Variants in RASSF8 observed in about 807,000 individuals in gnomAD.
RASSF8 encodes the protein Ras association domain family member 8.
A neutral mutation model predicts 48.5 loss-of-function variants in RASSF8; 22 were observed. That is an observed-to-expected ratio of 0.45 (90% CI 0.32 to 0.65). The LOEUF (loss-of-function observed/expected upper bound fraction) is 0.65, where lower values mean the gene tolerates loss of function less well. Ranked by LOEUF, RASSF8 falls within the 30% of genes least tolerant of loss-of-function variation. The pLI, the probability that RASSF8 is intolerant of heterozygous loss-of-function variation, is 0.03. For synonymous variants in RASSF8, 127 were observed against 171.5 expected, an observed-to-expected ratio of 0.74 and a Z score of 2.03; for missense variants, 418 against 489.2, an observed-to-expected ratio of 0.85 and a Z score of 1.37.
intron 4 of RASSF8, among the ~76,000 whole-genome samples, 156 bp from the exon 5 acceptor site, chr12:26,067,413 G>A (rs562153031): frequency 6.6e-6 from 1 of 152,260 alleles, no homozygotes; most frequent in Admixed American, 6.5e-5. Context: ...GACCTCTTTA[G>A]CCCATTGTGT....
intron 2 of RASSF8, among the ~76,000 whole-genome samples, chr12:26,022,786 G>A (rs1942817867): frequency 6.6e-6 from 1 of 151,980 alleles, no homozygotes; most frequent in Admixed American, 6.6e-5. Context: ...TTGTTGCCCA[G>A]GTTGGAGTGC....
chr12:25,988,602 T>C (rs1941943259), intron 1 of RASSF8, among the ~76,000 whole-genome samples: 1 of 152,202 alleles, frequency 6.6e-6, no homozygotes. Flanking sequence ...CTCTCCCTCA[T>C]GACTAAACAA....
rs528946844 is a variant in RASSF8, at chr12:26,010,691, G to A, written c.-109+15561G>A. 7.2e-5 allele frequency among the ~76,000 whole-genome samples: 11 copies of A among 152,304 alleles called. No individual in the cohort carries two copies. The South Asian group carries it at 2.3e-3, about 32-fold the overall frequency. The stretch of plus-strand genomic sequence containing the variant: ...TTGACTTCAGTCACTTTAAGGAATA[G>A]GAGGAGGATGTGGTGAGGAGGGAAA... On this transcript the variant is annotated intron_variant, in intron 2 of 5. Coordinates refer to ENST00000689635, the MANE Select transcript of RASSF8 (RefSeq NM_001394098.1).
At chr12:26,058,415 T>A (rs2137260608) in intron 3 of RASSF8, among the ~76,000 whole-genome samples, 1 of 152,322 alleles carries the variant, frequency 6.6e-6, no homozygotes, top group East Asian at 1.9e-4. Context: ...GAGCATGGAC[T>A]GATGACCAGA....
intron 1 of RASSF8, among the ~76,000 whole-genome samples, chr12:25,968,626 G>A (rs949441891): frequency 9.8e-5 from 15 of 152,306 alleles, no homozygotes; most frequent in Admixed American, 5.9e-4. Flanking sequence ...TTACAGGCAT[G>A]AGCCATCGCA....
chr12:26,075,170 TATTCTA>T (rs148075658), downstream of RASSF8, among the ~76,000 whole-genome samples: 969 of 152,270 alleles, frequency 6.4e-3, 14 homozygotes, highest in African/African-American at 0.022. Context: ...AAGTTATAGA[TATTCTA>T]AGTAGACAAT....
At chr12:25,979,492 T>TA (rs200095674) in intron 1 of RASSF8, among the ~76,000 whole-genome samples, 18 of 149,372 alleles carry the variant, frequency 1.2e-4, no homozygotes, top group South Asian at 4.3e-4. Context: ...ATTGGAGACT[T>TA]AAAAAAAAAA....
At chr12:26,000,274 A>C (rs1942224919) in intron 2 of RASSF8, among the ~76,000 whole-genome samples, 1 of 152,208 alleles carries the variant, frequency 6.6e-6, no homozygotes, top group Non-Finnish European at 1.5e-5. Context: ...AAAATGTAGT[A>C]ATACATATAC....
chr12:25,999,890 C>A (rs781221718), intron 2 of RASSF8, among the ~76,000 whole-genome samples: 4 of 152,108 alleles, frequency 2.6e-5, no homozygotes, highest in Non-Finnish European at 4.4e-5. Flanking sequence ...GTAAGAAATG[C>A]AATTGGCCTG....
chr12:26,067,515 T>TGCACTGTCC (rs1943902060), intron 4 of RASSF8, 54 bp from the exon 5 acceptor site: 1 of 1,506,926 alleles, frequency 6.6e-7, no homozygotes, highest in Admixed American at 2.0e-5. Flanking sequence ...AAAGATGTCT[T>TGCACTGTCC]GCACTGTCCA....
In RASSF8 at chr12:26,044,717, C is replaced by T. The variant is rs538057288; in HGVS notation, c.-108-10519C>T. ...TACAATAAATATCAGGTATTTTGCC[C>T]TGGAATTTCACAATGCACATCTTAA... On this transcript the variant is annotated intron_variant, in intron 2 of 5. Coordinates refer to ENST00000689635, the MANE Select transcript of RASSF8 (RefSeq NM_001394098.1). Among the ~76,000 whole-genome samples, 104 of 152,232 alleles carry T rather than the reference C, an allele frequency of 6.8e-4. 1 individual carries two copies. The highest frequency in any genetic ancestry group is 2.2e-3 in the Admixed American group (34 of 15,284).
intron 2 of RASSF8, among the ~76,000 whole-genome samples, chr12:26,054,962 A>G (rs754140849): frequency 4.6e-5 from 7 of 152,222 alleles, no homozygotes; most frequent in Non-Finnish European, 8.8e-5. Context: ...AACAGCGCAT[A>G]TATTGAATAG....
At chr12:26,044,148 C>G (rs531788537) in intron 2 of RASSF8, among the ~76,000 whole-genome samples, 1 of 152,304 alleles carries the variant, frequency 6.6e-6, no homozygotes, top group African/African-American at 2.4e-5. Flanking sequence ...GCTGCTACTT[C>G]CTCCCACTTT....
intron 2 of RASSF8, among the ~76,000 whole-genome samples, chr12:26,015,030 A>ACCGC (rs1555164629): frequency 3.3e-5 from 5 of 149,288 alleles, no homozygotes; most frequent in African/African-American, 9.9e-5. Flanking sequence ...ACATAGTGAG[A>ACCGC]CCCCGTCTGT....
intron 2 of RASSF8, among the ~76,000 whole-genome samples, chr12:26,050,815 G>C (rs758624543): frequency 7.9e-5 from 12 of 152,132 alleles, no homozygotes; most frequent in Admixed American, 7.9e-4. Flanking sequence ...CATTTTGCTG[G>C]CATGTGTTTT....
chr12:25,964,152 T>TC (rs1941302829), intron 1 of RASSF8, among the ~76,000 whole-genome samples: 1 of 152,214 alleles, frequency 6.6e-6, no homozygotes, highest in Admixed American at 6.5e-5. Flanking sequence ...TTATTTTTTT[T>TC]CCACCATGTA....
intron 2 of RASSF8, among the ~76,000 whole-genome samples, chr12:26,029,795 A>G (rs1468915901): frequency 1.3e-5 from 2 of 151,574 alleles, no homozygotes; most frequent in African/African-American, 4.9e-5. Flanking sequence ...AAAAAAATCA[A>G]TCTCAAACTA....
chr12:26,068,392 A>C (rs938803550), intron 5 of RASSF8, among the ~76,000 whole-genome samples: 1 of 152,070 alleles, frequency 6.6e-6, no homozygotes, highest in Non-Finnish European at 1.5e-5. Flanking sequence ...AGTTATTATT[A>C]ATTTGTGCTG....
At chr12:26,032,023 C>G (rs1285189182) in intron 2 of RASSF8, among the ~76,000 whole-genome samples, 4 of 152,060 alleles carry the variant, frequency 2.6e-5, no homozygotes, top group African/African-American at 9.7e-5. Context: ...AGGAAACTTC[C>G]CATATCCCAG....
Sources: gnomAD v4.1 joint callset for allele counts (sites outside exome capture counted in the v4.1 genomes callset) on GRCh38, gnomAD v4.1.1 for gene constraint, MANE v1.5 for transcripts, NCBI Gene and HGNC (gene_info 2026-07-23, HGNC 2026-07-21) for gene names.